Variants in CSMD1 observed in about 807,000 individuals in gnomAD.
The protein encoded by CSMD1 is CUB and Sushi multiple domains 1.
Under a neutral mutation model 417.5 loss-of-function variants are expected in CSMD1, and 213 were observed. The observed-to-expected ratio is 0.51, with a 90% CI of 0.46 to 0.57. The LOEUF is 0.57. Ranked by LOEUF, CSMD1 falls within the 20% of genes least tolerant of loss-of-function variation. CSMD1 has a pLI of 0.00. For missense variants in CSMD1, 6,923 were observed against 4,529.7 expected, an observed-to-expected ratio of 1.53 and a Z score of -15.17; for synonymous variants, 2,862 against 1,736.8, an observed-to-expected ratio of 1.65 and a Z score of -16.11.
At chr8:3,949,897 C>A in intron 5 of CSMD1, 1 of 455,854 alleles carries the variant, frequency 2.2e-6, no homozygotes, top group Non-Finnish European at 4.4e-6. Flanking sequence ...GATTGTGCCT[C>A]CATGGGAAGC....
intron 5 of CSMD1, among the ~76,000 whole-genome samples, chr8:3,798,393 A>C (rs897407521): frequency 1.3e-5 from 2 of 152,002 alleles, no homozygotes; most frequent in African/African-American, 4.8e-5. Context: ...TGGGTCTCTT[A>C]TATGCCCAAG....
At chr8:4,680,334 G>A (rs548803382) in intron 1 of CSMD1, among the ~76,000 whole-genome samples, 16 of 152,216 alleles carry the variant, frequency 1.1e-4, no homozygotes, top group East Asian at 7.7e-4. Flanking sequence ...TGAAAGCACC[G>A]GGTCACTTAA....
chr8:3,965,622 ATTTAT>A (rs914476121), intron 5 of CSMD1, among the ~76,000 whole-genome samples: 1 of 151,768 alleles, frequency 6.6e-6, no homozygotes, highest in African/African-American at 2.4e-5. Flanking sequence ...TTATTTATTT[ATTTAT>A]TTATTTTTGA....
At chr8:4,910,567 C>G (rs1480670587) in intron 1 of CSMD1, among the ~76,000 whole-genome samples, 2 of 152,106 alleles carry the variant, frequency 1.3e-5, no homozygotes, top group Non-Finnish European at 2.9e-5. Context: ...GACGCTAATT[C>G]CATTCATGAA....
At position 3,986,209 on chromosome 8, in the gene CSMD1, G is replaced by C. The variant is rs566777672; in HGVS notation, c.818+11694C>G. Reference sequence around the variant, plus strand: ...TAAGCTGCCCCTCGGTCCTGAGATGGTGCAAAGACACCAGATGGAGGAAGA... The same window carrying C: ...TAAGCTGCCCCTCGGTCCTGAGATGCTGCAAAGACACCAGATGGAGGAAGA... On this transcript the variant is annotated intron_variant, in intron 5 of 69. Transcript: ENST00000635120. Among the ~76,000 whole-genome samples the C allele has an allele frequency of 4.6e-5, 7 of 152,214 alleles. No individual in the cohort carries two copies. In the East Asian group the frequency reaches 1.2e-3, roughly 25 times the overall value.
chr8:4,982,652 C>A (rs191766952), intron 1 of CSMD1, among the ~76,000 whole-genome samples: 1 of 152,182 alleles, frequency 6.6e-6, no homozygotes, highest in Non-Finnish European at 1.5e-5. Context: ...TCATATAACA[C>A]TTTACAGTAT....
chr8:4,220,060 G>A (rs953268004), intron 3 of CSMD1, among the ~76,000 whole-genome samples: 6 of 151,972 alleles, frequency 3.9e-5, no homozygotes, highest in East Asian at 1.9e-4. Flanking sequence ...AGCAATTCTC[G>A]TGCCTCAGCC....
intron 2 of CSMD1, among the ~76,000 whole-genome samples, chr8:4,469,274 CTA>C (rs1330830390): frequency 6.6e-6 from 1 of 152,194 alleles, no homozygotes; most frequent in Non-Finnish European, 1.5e-5. Flanking sequence ...AGCAAAGACA[CTA>C]TGATTGTCAT....
intron 3 of CSMD1, among the ~76,000 whole-genome samples, chr8:4,218,320 T>A (rs887684236): frequency 6.6e-6 from 1 of 152,220 alleles, no homozygotes; most frequent in Non-Finnish European, 1.5e-5. Flanking sequence ...TCTTAGCCTA[T>A]TCATTAATGC....
chr8:4,856,097 G>A (rs978317459), intron 1 of CSMD1, among the ~76,000 whole-genome samples: 9 of 152,082 alleles, frequency 5.9e-5, no homozygotes, highest in African/African-American at 2.2e-4. Context: ...AGAAGAGAGT[G>A]GGGGCCAATA....
chr8:4,170,104 T>A (rs547898741), intron 3 of CSMD1, among the ~76,000 whole-genome samples: 22 of 151,920 alleles, frequency 1.4e-4, no homozygotes, highest in African/African-American at 4.9e-4. Flanking sequence ...TATGTATCCC[T>A]AACCTGTTTT....
At chr8:4,298,782 T>A (rs1452758072) in intron 3 of CSMD1, among the ~76,000 whole-genome samples, 1 of 152,088 alleles carries the variant, frequency 6.6e-6, no homozygotes, top group Non-Finnish European at 1.5e-5. Flanking sequence ...AATAAATTTA[T>A]TTTGAAGAAT....
chr8:4,164,888 A>AT (rs60898286), intron 3 of CSMD1, among the ~76,000 whole-genome samples: 50,931 of 149,364 alleles, frequency 0.34, 8,836 homozygotes, highest in Middle Eastern at 0.46. Flanking sequence ...AAGAAAAAAA[A>AT]AAATATATAT....
intron 12 of CSMD1, among the ~76,000 whole-genome samples, chr8:3,422,986 C>T (rs574845042): frequency 4.6e-4 from 70 of 152,168 alleles, no homozygotes; most frequent in Non-Finnish European, 7.9e-4. Context: ...CTTACTGCTA[C>T]CAAATTGGCA....
intron 52 of CSMD1, among the ~76,000 whole-genome samples, chr8:3,015,908 A>T (rs1038964986): frequency 6.6e-6 from 1 of 152,188 alleles, no homozygotes; most frequent in African/African-American, 2.4e-5. Flanking sequence ...TAAGGCACAA[A>T]GACCCTTGCA....
chr8:3,427,173 T>G (rs1235216717), intron 12 of CSMD1, among the ~76,000 whole-genome samples: 2 of 152,146 alleles, frequency 1.3e-5, no homozygotes, highest in African/African-American at 4.8e-5. Flanking sequence ...CAAGATGAGA[T>G]TTTGGGTGCA....
chr8:3,063,234 C>G (rs1211134588), intron 49 of CSMD1, among the ~76,000 whole-genome samples: 2 of 152,144 alleles, frequency 1.3e-5, no homozygotes, highest in African/African-American at 4.8e-5. Context: ...GTAAACTAGT[C>G]AAGCCCAGAA....
intron 26 of CSMD1, among the ~76,000 whole-genome samples, chr8:3,264,933 T>G (rs1166627655): frequency 1.3e-5 from 2 of 152,098 alleles, no homozygotes; most frequent in African/African-American, 4.8e-5. Flanking sequence ...TCGGTATAGC[T>G]TATATATTCT....
intron 7 of CSMD1, among the ~76,000 whole-genome samples, chr8:3,659,400 CG>C (rs1415391879): frequency 6.6e-6 from 1 of 152,166 alleles, no homozygotes; most frequent in Non-Finnish European, 1.5e-5. Context: ...ACACAGGTAA[CG>C]GGTCTCAGTG....
Sources: gnomAD v4.1 joint callset for allele counts (sites outside exome capture counted in the v4.1 genomes callset) on GRCh38, gnomAD v4.1.1 for gene constraint, MANE v1.5 for transcripts, NCBI Gene and HGNC (gene_info 2026-07-23, HGNC 2026-07-21) for gene names.